Variants in FGF12 observed in about 807,000 individuals in gnomAD.
FGF12 encodes the protein fibroblast growth factor 12B.
A neutral mutation model predicts 23.6 loss-of-function variants in FGF12; 14 were observed. The ratio of observed to expected loss-of-function variants is 0.59; its 90% CI spans 0.39 to 0.93. The LOEUF is 0.93. Ranked by LOEUF, FGF12 falls within the 40% of genes least tolerant of loss-of-function variation. The pLI is 0.00. For missense variants in FGF12, 175 were observed against 217.8 expected (o/e 0.80, Z 1.24); for synonymous variants, 62 against 77.3 (o/e 0.80, Z 1.04).
chr3:192,144,744 A>G (rs1322046982), intron 5 of FGF12, among the ~76,000 whole-genome samples: 1 of 152,230 alleles, frequency 6.6e-6, no homozygotes, highest in Non-Finnish European at 1.5e-5. Context: ...TTCAGTTCAT[A>G]TCTATATAAA....
intron 2 of FGF12, among the ~76,000 whole-genome samples, chr3:192,508,559 T>C (rs565778963): frequency 2.6e-5 from 4 of 152,298 alleles, no homozygotes; most frequent in Non-Finnish European, 5.9e-5. Flanking sequence ...TGGCTGTAAA[T>C]AAATGGATTT....
intron 3 of FGF12, among the ~76,000 whole-genome samples, chr3:192,351,717 C>T (rs1718227378): frequency 6.6e-6 from 1 of 152,128 alleles, no homozygotes; most frequent in Admixed American, 6.5e-5. Flanking sequence ...ATAGGGAAAA[C>T]ACAAAAGCAG....
At chr3:192,279,254 A>ATAT (rs1713998088) in intron 4 of FGF12, among the ~76,000 whole-genome samples, 5 of 143,526 alleles carry the variant, frequency 3.5e-5, no homozygotes, top group African/African-American at 5.2e-5. Flanking sequence ...ATATATATAT[A>ATAT]AAATGTACAT....
At chr3:192,240,882 C>T (rs1719583445) in intron 4 of FGF12, among the ~76,000 whole-genome samples, 1 of 151,798 alleles carries the variant, frequency 6.6e-6, no homozygotes, top group Admixed American at 6.6e-5. Context: ...AAGCAACTAA[C>T]CTAAAGGGTA....
At chr3:192,692,892 G>C (rs1717990653) in intron 2 of FGF12, among the ~76,000 whole-genome samples, 1 of 151,864 alleles carries the variant, frequency 6.6e-6, no homozygotes, top group Non-Finnish European at 1.5e-5. Context: ...CTTTTCTCTA[G>C]GGTCTGGCTT....
chr3:192,175,003 T>C (rs1715779510), intron 4 of FGF12, among the ~76,000 whole-genome samples: 1 of 152,238 alleles, frequency 6.6e-6, no homozygotes, highest in South Asian at 2.1e-4. Context: ...CACATGTTTA[T>C]ATCTGCTCCA....
intron 4 of FGF12, among the ~76,000 whole-genome samples, chr3:192,207,649 C>T (rs1014053521): frequency 7.2e-5 from 11 of 152,050 alleles, no homozygotes; most frequent in African/African-American, 2.2e-4. Flanking sequence ...GAAGGGTCAT[C>T]GATACTTTGC....
Position 192,411,719 on chromosome 3 carries a change from C to T in FGF12, c.14-51181G>A, listed in dbSNP as rs560410913. Among the ~76,000 whole-genome samples the T allele has an allele frequency of 1.5e-4, 23 of 152,304 alleles. No individual in the cohort carries two copies. The South Asian group carries it at 4.8e-3, about 32-fold the overall frequency. On this transcript the variant is annotated intron_variant, in intron 2 of 5. Coordinates refer to ENST00000445105, the MANE Select transcript of FGF12 (RefSeq NM_004113.6). ...CAGATAGTACAGTGGGCTTTGGGGG[C>T]TCCCTGTCCTTGCTATTAAACACCC...
chr3:192,578,621 C>T (rs562046357), intron 2 of FGF12, among the ~76,000 whole-genome samples: 1 of 152,106 alleles, frequency 6.6e-6, no homozygotes, highest in Non-Finnish European at 1.5e-5. Context: ...ACTTTTAGAG[C>T]CAAGTAATAG....
At chr3:192,598,677 G>A (rs1713967585) in intron 2 of FGF12, among the ~76,000 whole-genome samples, 1 of 152,156 alleles carries the variant, frequency 6.6e-6, no homozygotes, top group African/African-American at 2.4e-5. Context: ...AAAGTCAGGT[G>A]ATAACCCTAG....
intron 2 of FGF12, among the ~76,000 whole-genome samples, chr3:192,372,486 G>A (rs1267166204): frequency 6.6e-6 from 1 of 152,008 alleles, no homozygotes; most frequent in Non-Finnish European, 1.5e-5. Context: ...TTCGGCAAAA[G>A]AGCAGTTGAG....
intron 2 of FGF12, among the ~76,000 whole-genome samples, chr3:192,546,693 A>G (rs2108581686): frequency 7.9e-6 from 1 of 126,890 alleles, no homozygotes; most frequent in African/African-American, 3.0e-5. Flanking sequence ...TACTCAATAG[A>G]CTTTTATTGA....
chr3:192,301,745 A>C (rs1715359740), intron 4 of FGF12, among the ~76,000 whole-genome samples: 1 of 152,120 alleles, frequency 6.6e-6, no homozygotes, highest in South Asian at 2.1e-4. Context: ...TAGTATTTTG[A>C]ATTATGACAC....
chr3:192,558,726 A>G (rs1330655370), intron 2 of FGF12, among the ~76,000 whole-genome samples: 1 of 151,996 alleles, frequency 6.6e-6, no homozygotes, highest in East Asian at 1.9e-4. Context: ...AATCAATGCA[A>G]TCTGGTACTG....
chr3:192,174,738 G>T (rs1282478688), intron 4 of FGF12, among the ~76,000 whole-genome samples: 1 of 147,618 alleles, frequency 6.8e-6, no homozygotes, highest in Non-Finnish European at 1.5e-5. Flanking sequence ...CCCTACACGT[G>T]GAGTAAAAAA....
At chr3:192,361,449 T>A (rs1718723633) in intron 2 of FGF12, among the ~76,000 whole-genome samples, 1 of 152,116 alleles carries the variant, frequency 6.6e-6, no homozygotes, top group Non-Finnish European at 1.5e-5. Flanking sequence ...TCTAATTATT[T>A]CATTAAAATG....
intron 2 of FGF12, among the ~76,000 whole-genome samples, chr3:192,604,640 T>A (rs1262246509): frequency 6.6e-6 from 1 of 152,180 alleles, no homozygotes; most frequent in Non-Finnish European, 1.5e-5. Context: ...CCCAGAGCAA[T>A]CTACAGATTC....
chr3:192,259,199 G>A (rs531120795), intron 4 of FGF12, among the ~76,000 whole-genome samples: 3 of 152,220 alleles, frequency 2.0e-5, no homozygotes, highest in African/African-American at 4.8e-5. Flanking sequence ...AGAATCATAA[G>A]TGGAAAATAT....
chr3:192,584,554 A>C (rs1052658107), intron 2 of FGF12, among the ~76,000 whole-genome samples: 3 of 152,096 alleles, frequency 2.0e-5, no homozygotes, highest in African/African-American at 7.2e-5. Flanking sequence ...AGACGATTTC[A>C]CATAGAGGTT....
Sources: allele counts gnomAD v4.1 joint callset (sites outside exome capture counted in the v4.1 genomes callset), GRCh38; gene constraint gnomAD v4.1.1; transcripts MANE v1.5; gene names NCBI Gene and HGNC (gene_info 2026-07-23, HGNC 2026-07-21).